TRAPPC9: variants seen among roughly 807,000 people sequenced by gnomAD.
TRAPPC9 encodes the protein trafficking protein particle complex subunit 9, also known as IKK2 binding protein.
In TRAPPC9, 83 loss-of-function variants were observed where a neutral mutation model predicts 124.0. That is an observed-to-expected ratio of 0.67 (90% CI 0.56 to 0.80). The LOEUF is 0.80. TRAPPC9 is among the 30% of genes least tolerant of loss of function. The pLI is 0.00. For synonymous variants in TRAPPC9, 638 were observed against 617.5 expected (o/e 1.03, Z -0.49); for missense variants, 1,302 against 1,508.3 (o/e 0.86, Z 2.27).
chr8:139,879,906 G>A (rs562732790), intron 21 of TRAPPC9, among the ~76,000 whole-genome samples: 89 of 152,270 alleles, frequency 5.8e-4, no homozygotes, highest in African/African-American at 1.8e-3. Context: ...CAGGGCACTC[G>A]GCCAACTTGG....
At chr8:140,294,466 C>CATG (rs138149378) in intron 11 of TRAPPC9, among the ~76,000 whole-genome samples, 120 of 151,882 alleles carry the variant, frequency 7.9e-4, no homozygotes, top group African/African-American at 1.1e-3. Context: ...CTATCATGGT[C>CATG]ATGATGATGA....
chr8:140,032,418 C>T (rs953049904), intron 17 of TRAPPC9, among the ~76,000 whole-genome samples: 9 of 152,030 alleles, frequency 5.9e-5, no homozygotes, highest in African/African-American at 4.8e-5. Context: ...CCCCCCCACC[C>T]TCCTCCAGCC....
chr8:140,302,685 C>G (rs1028042935), intron 10 of TRAPPC9: 2 of 152,220 alleles, frequency 1.3e-5, no homozygotes, highest in Non-Finnish European at 2.9e-5. Context: ...AACCACTCAC[C>G]TTTTGTTTCT....
chr8:139,759,075 G>T (rs537809267), intron 21 of TRAPPC9, among the ~76,000 whole-genome samples: 3,238 of 152,296 alleles, frequency 0.021, 56 homozygotes, highest in South Asian at 0.03. Context: ...CTGGTGAGTG[G>T]GCCGGGTGCT....
At chr8:139,911,272 T>C (rs1014290132) in intron 19 of TRAPPC9, 1 of 152,424 alleles carries the variant, frequency 6.6e-6, no homozygotes, top group East Asian at 1.9e-4. Context: ...TTCATCATGA[T>C]TGTGAGGCTT....
rs1351103541 is a variant in TRAPPC9, at chr8:139,784,602, G to C, written c.3056-52400C>G. On this transcript the variant is annotated intron_variant, in intron 21 of 22. Coordinates refer to ENST00000438773, the MANE Select transcript of TRAPPC9 (RefSeq NM_001160372.4). ...TAAATAAATAAATAAATAAATAAAA[G>C]ACTGACATATATATATATATATATA... Among the ~76,000 whole-genome samples, 3 of 49,650 alleles carry C rather than the reference G, an allele frequency of 6.0e-5. No individual in the cohort carries two copies. The South Asian group carries it at 2.4e-3, about 40-fold the overall frequency. 32.6% of individuals were successfully genotyped at this position (49,650 alleles called of 152,430 possible).
At chr8:140,062,350 A>C (rs1161314366) in intron 17 of TRAPPC9, among the ~76,000 whole-genome samples, 1 of 152,100 alleles carries the variant, frequency 6.6e-6, no homozygotes, top group African/African-American at 2.4e-5. Context: ...AACCCACGCT[A>C]CTGAGCATGA....
chr8:140,191,185 T>C (rs2062484488), intron 17 of TRAPPC9, among the ~76,000 whole-genome samples: 1 of 152,204 alleles, frequency 6.6e-6, no homozygotes, highest in South Asian at 2.1e-4. Context: ...GCCGACAACG[T>C]GCCAGATGCT....
At chr8:140,041,122 C>G (rs1403801791) in intron 17 of TRAPPC9, 1 of 152,214 alleles carries the variant, frequency 6.6e-6, no homozygotes, top group African/African-American at 2.4e-5. Context: ...AACAAGCCCT[C>G]AGCTACTAGA....
intron 17 of TRAPPC9, among the ~76,000 whole-genome samples, chr8:140,153,973 AT>A (rs1449042284): frequency 1.3e-5 from 2 of 151,966 alleles, no homozygotes; most frequent in South Asian, 2.1e-4. Context: ...CTTCCCTACT[AT>A]TTACCTGGAA....
At chr8:139,965,572 A>C (rs1466435591) in intron 19 of TRAPPC9, among the ~76,000 whole-genome samples, 1 of 152,194 alleles carries the variant, frequency 6.6e-6, no homozygotes. Context: ...CAAAGAACAA[A>C]GGTTTCCAAG....
In TRAPPC9 at chr8:139,825,893, C is replaced by T. The variant is rs147871444; in HGVS notation, c.3055+59986G>A. Among the ~76,000 whole-genome samples the T allele has an allele frequency of 1.3e-5, 2 of 152,278 alleles. No individual in the cohort carries two copies. Among genetic ancestry groups the T allele is most frequent in the African/African-American group, 2.4e-5 (1 of 41,562 alleles). On this transcript the variant is annotated intron_variant, in intron 21 of 22. Transcript: ENST00000438773. This position sits in a 1 kb window ranked among gnomAD's most constrained non-coding sequence, Gnocchi z 4.6. ...GAATCAGAATATTTCCTGTGCAAAG[C>T]GCCATGCCAGGCTCTGGTGGGGAGA...
intron 9 of TRAPPC9, among the ~76,000 whole-genome samples, chr8:140,324,451 G>A (rs925324916): frequency 6.6e-6 from 1 of 152,078 alleles, no homozygotes; most frequent in Admixed American, 6.5e-5. Context: ...TTTTAAAGTT[G>A]GAGGCTTTAA....
At chr8:140,425,000 G>A (rs534175324) in intron 5 of TRAPPC9, among the ~76,000 whole-genome samples, 1 of 152,366 alleles carries the variant, frequency 6.6e-6, no homozygotes, top group African/African-American at 2.4e-5. Flanking sequence ...CCCTGAGAGA[G>A]TGTTAGCTAT....
At position 139,983,267 on chromosome 8, in the gene TRAPPC9, C is replaced by T. The variant is rs576250349; in HGVS notation, c.2810+5459G>A. On this transcript the variant is annotated intron_variant, in intron 19 of 22. Coordinates refer to ENST00000438773, the MANE Select transcript of TRAPPC9 (RefSeq NM_001160372.4). ...CCTGCAGCCTCCAGAATCTGCCCAGCGTCTTGATCTTGAACCTGCAGTCTC... is the reference window on the plus strand; with the variant it reads ...CCTGCAGCCTCCAGAATCTGCCCAGTGTCTTGATCTTGAACCTGCAGTCTC... Among the ~76,000 whole-genome samples the T allele has an allele frequency of 7.9e-5, 12 of 152,242 alleles. No individual in the cohort carries two copies. In the South Asian group the frequency reaches 8.3e-4, roughly 11 times the overall value.
At chr8:140,206,014 G>C (rs1160652428) in intron 17 of TRAPPC9, among the ~76,000 whole-genome samples, 3 of 152,150 alleles carry the variant, frequency 2.0e-5, no homozygotes, top group African/African-American at 7.2e-5. Flanking sequence ...TTATTCCTAA[G>C]TGTGTCATTT....
intron 21 of TRAPPC9, among the ~76,000 whole-genome samples, chr8:139,876,711 C>T (rs188050969): frequency 3.7e-4 from 56 of 152,292 alleles, no homozygotes; most frequent in Non-Finnish European, 7.3e-4. Flanking sequence ...CTCCATGCAA[C>T]CTTAGGCCCC....
intron 5 of TRAPPC9, among the ~76,000 whole-genome samples, chr8:140,408,247 G>A (rs2069566798): frequency 6.6e-6 from 1 of 152,122 alleles, no homozygotes; most frequent in Non-Finnish European, 1.5e-5. Flanking sequence ...CAGATGGGAG[G>A]AGAGACAAAG....
chr8:139,846,342 AG>A (rs1827082659), intron 21 of TRAPPC9, among the ~76,000 whole-genome samples: 1 of 152,156 alleles, frequency 6.6e-6, no homozygotes, highest in African/African-American at 2.4e-5. Context: ...GGTGGGGATC[AG>A]GATAACACTT....
Sources: gnomAD v4.1 joint callset for allele counts (sites outside exome capture counted in the v4.1 genomes callset) on GRCh38, gnomAD v4.1.1 for gene constraint, Gnocchi (gnomAD v3.1) non-coding constraint, MANE v1.5 for transcripts, NCBI Gene and HGNC (gene_info 2026-07-23, HGNC 2026-07-21) for gene names.